Variants in CCDC88C observed in about 807,000 individuals in gnomAD.
CCDC88C encodes protein Daple.
In CCDC88C, 131 loss-of-function variants were observed where a neutral mutation model predicts 198.8. The ratio of observed to expected loss-of-function variants is 0.66; its 90% CI spans 0.57 to 0.76. The LOEUF (loss-of-function observed/expected upper bound fraction) is 0.76, where lower values mean the gene tolerates loss of function less well. Among genes scored for constraint, CCDC88C ranks in the 30% least tolerant of loss-of-function variants. The pLI, the probability that CCDC88C is intolerant of heterozygous loss-of-function variation, is 0.00. For synonymous variants in CCDC88C, 1,166 were observed against 1,114.7 expected, an observed-to-expected ratio of 1.05 and a Z score of -0.92; for missense variants, 2,553 against 2,631.6, an observed-to-expected ratio of 0.97 and a Z score of 0.65.
chr14:91,355,714 G>A (rs372313664), intron 4 of CCDC88C, among the ~76,000 whole-genome samples: 1 of 151,564 alleles, frequency 6.6e-6, no homozygotes, highest in Admixed American at 6.6e-5. Context: ...GATAGGAAGA[G>A]AGTGAACACC....
chr14:91,301,952 G>A (rs1167569090), intron 20 of CCDC88C, among the ~76,000 whole-genome samples: 1 of 152,164 alleles, frequency 6.6e-6, no homozygotes, highest in Non-Finnish European at 1.5e-5. Flanking sequence ...AGACGAGGGA[G>A]AGATCAAAGT....
At chr14:91,306,961 G>C in intron 18 of CCDC88C, 77 bp downstream of exon 18, 1 of 1,395,502 alleles carries the variant, frequency 7.2e-7, no homozygotes, top group Non-Finnish European at 9.6e-7. Flanking sequence ...GCAATGACAA[G>C]TCATCAATGG....
At chr14:91,386,969 GC>G (rs1348483176) in intron 3 of CCDC88C, among the ~76,000 whole-genome samples, 3 of 152,172 alleles carry the variant, frequency 2.0e-5, no homozygotes, top group African/African-American at 7.2e-5. Flanking sequence ...TGTACTAAGC[GC>G]CCAGCACCAT....
chr14:91,358,537 G>T (rs1475671293), intron 4 of CCDC88C, among the ~76,000 whole-genome samples: 1 of 152,196 alleles, frequency 6.6e-6, no homozygotes, highest in African/African-American at 2.4e-5. Flanking sequence ...TATGGGTGCA[G>T]GTAAACACAC....
rs1322674925 is a variant in CCDC88C, at chr14:91,345,188, A to ATTTTTT, written c.341-1532_341-1531insAAAAAA. Among the ~76,000 whole-genome samples the ATTTTTT allele has an allele frequency of 6.4e-3, 409 of 64,020 alleles. 5 individuals are homozygous for ATTTTTT. Among genetic ancestry groups the ATTTTTT allele is most frequent in the Non-Finnish European group, 8.6e-3 (286 of 33,260 alleles). 42.0% of individuals were successfully genotyped at this position (64,020 alleles called of 152,430 possible). ...AATTTATATATATATATATATATAT[A>ATTTTTT]TATTTTTTTTTTTTTTTTTTTTGAG... is the stretch of plus-strand genomic sequence containing the variant. On this transcript the variant is annotated intron_variant, in intron 4 of 29. Transcript: ENST00000389857.
intron 25 of CCDC88C, among the ~76,000 whole-genome samples, chr14:91,286,278 T>C (rs78270437): frequency 0.02 from 3,017 of 152,312 alleles, 43 homozygotes; most frequent in Middle Eastern, 0.031. Context: ...CTTGGGAACA[T>C]TCAATGATCC....
chr14:91,354,223 A>G (rs560487061), intron 4 of CCDC88C, among the ~76,000 whole-genome samples: 6 of 152,360 alleles, frequency 3.9e-5, no homozygotes, highest in Admixed American at 2.0e-4. Context: ...GCTTTCTTCC[A>G]GTGCAACTGT....
intron 13 of CCDC88C, among the ~76,000 whole-genome samples, chr14:91,318,075 G>A (rs1423020964): frequency 6.6e-6 from 1 of 152,194 alleles, no homozygotes; most frequent in Admixed American, 6.5e-5. Context: ...CCAAGGTTGG[G>A]CTGCCACTTA....
Position 91,325,094 on chromosome 14 carries a change from G to C in CCDC88C, c.1198-171C>G, listed in dbSNP as rs113693200. 3.1e-3 allele frequency among the ~76,000 whole-genome samples: 477 copies of C among 152,292 alleles called. 1 individual carries two copies. The highest frequency in any genetic ancestry group is 0.011 in the African/African-American group (445 of 41,554). On this transcript the variant is annotated intron_variant, in intron 11 of 29. Coordinates refer to ENST00000389857, the MANE Select transcript of CCDC88C (RefSeq NM_001080414.4). This position sits in a 1 kb window ranked among gnomAD's most constrained non-coding sequence, Gnocchi z 4.1. ...ATCCCAACACAGGGCCCTGCTATGA[G>C]AGGGAAAGCCACTCAAAGGTACCCT... is the stretch of plus-strand genomic sequence containing the variant.
At chr14:91,326,875 C>CT (rs1892606138) in intron 10 of CCDC88C, among the ~76,000 whole-genome samples, 1 of 152,216 alleles carries the variant, frequency 6.6e-6, no homozygotes, top group African/African-American at 2.4e-5. Flanking sequence ...AAATGGGGGT[C>CT]TTTAAGACAG....
intron 3 of CCDC88C, among the ~76,000 whole-genome samples, chr14:91,380,039 A>G (rs934911650): frequency 9.2e-5 from 14 of 152,106 alleles, no homozygotes; most frequent in African/African-American, 3.4e-4. Context: ...TTCTCCTTAC[A>G]GGGGTGTCTC....
intron 3 of CCDC88C, among the ~76,000 whole-genome samples, chr14:91,397,169 G>C (rs1398878442): frequency 3.3e-5 from 5 of 152,158 alleles, no homozygotes; most frequent in African/African-American, 9.7e-5. Context: ...GTCCAGAGGT[G>C]GGCAGGTCTC....
rs1388700989 is a variant in CCDC88C, at chr14:91,381,324, G to A, written c.271-21613C>T. On this transcript the variant is annotated intron_variant, in intron 3 of 29. Coordinates refer to ENST00000389857, the MANE Select transcript of CCDC88C (RefSeq NM_001080414.4). This position sits in a 1 kb window ranked among gnomAD's most constrained non-coding sequence, Gnocchi z 4.2. ...AAACAACCTGTGCACAGGGTACTGGGGACACAGATGTGACCAACCAGCCCG... is the reference window on the plus strand; with the variant it reads ...AAACAACCTGTGCACAGGGTACTGGAGACACAGATGTGACCAACCAGCCCG... Among the ~76,000 whole-genome samples, 1 of 152,170 alleles carries A rather than the reference G, an allele frequency of 6.6e-6. No individual in the cohort carries two copies. Among genetic ancestry groups the A allele is most frequent in the Non-Finnish European group, 1.5e-5 (1 of 68,030 alleles).
chr14:91,354,660 C>T (rs1031150457), intron 4 of CCDC88C, among the ~76,000 whole-genome samples: 7 of 152,052 alleles, frequency 4.6e-5, no homozygotes, highest in Admixed American at 1.3e-4. Context: ...CCCAGCTTGA[C>T]GGGAGAGCAA....
intron 14 of CCDC88C, among the ~76,000 whole-genome samples, chr14:91,315,083 G>A (rs932885223): frequency 6.6e-6 from 1 of 152,124 alleles, no homozygotes; most frequent in Non-Finnish European, 1.5e-5. Context: ...TGACGTCTAC[G>A]GAGCATCCTT....
intron 10 of CCDC88C, 83 bp downstream of exon 10, chr14:91,337,922 C>A (rs1893119797): frequency 1.3e-6 from 2 of 1,536,894 alleles, no homozygotes; most frequent in African/African-American, 1.4e-5. Flanking sequence ...CTCCTCCAAG[C>A]CCCCAAGGAC....
At chr14:91,409,565 G>A (rs1049118652) in intron 2 of CCDC88C, among the ~76,000 whole-genome samples, 1 of 149,558 alleles carries the variant, frequency 6.7e-6, no homozygotes, top group Non-Finnish European at 1.5e-5. Flanking sequence ...TCAGCTCACT[G>A]CAACCTTCAC....
Position 91,350,172 on chromosome 14 carries a change from T to A in CCDC88C, c.341-6515A>T, listed in dbSNP as rs150404109. ...ACATGTTCAGAAGACACTTTTTTTT[T>A]TTTTTGGAGACAGAGTCTCACTCTG... On this transcript the variant is annotated intron_variant, in intron 4 of 29. Coordinates refer to ENST00000389857, the MANE Select transcript of CCDC88C (RefSeq NM_001080414.4). Among the ~76,000 whole-genome samples the A allele has an allele frequency of 3.5e-3, 533 of 152,212 alleles. 6 individuals carry two copies. Among genetic ancestry groups the A allele is most frequent in the African/African-American group, 0.012 (492 of 41,522 alleles).
intron 25 of CCDC88C, chr14:91,285,904 C>A: frequency 7.6e-6 from 7 of 918,168 alleles, no homozygotes; most frequent in Non-Finnish European, 1.0e-5. Context: ...ATGAAATGAA[C>A]AATAATGACA....
Sources: gnomAD v4.1 joint callset for allele counts (sites outside exome capture counted in the v4.1 genomes callset) on GRCh38, gnomAD v4.1.1 for gene constraint, Gnocchi (gnomAD v3.1) non-coding constraint, MANE v1.5 for transcripts, NCBI Gene and HGNC (gene_info 2026-07-23, HGNC 2026-07-21) for gene names.